The following SETD1A variants were observed in gnomAD, a reference collection of about 807,000 sequenced individuals.
The protein encoded by SETD1A is SET domain containing 1A, histone lysine methyltransferase, also known as histone-lysine N-methyltransferase SETD1A.
SETD1A carries 29 observed loss-of-function variants against 149.9 expected under a neutral mutation model. That is an observed-to-expected ratio of 0.19 (90% confidence interval 0.14 to 0.26). SETD1A has a LOEUF of 0.26. Among genes scored for constraint, SETD1A ranks in the 10% least tolerant of loss-of-function variants. The pLI is 1.00. For synonymous variants in SETD1A, 1,141 were observed against 968.5 expected (o/e 1.18, Z -3.31); for missense variants, 2,109 against 2,353.1 (o/e 0.90, Z 2.15).
At chr16:30,974,442 C>T (rs2056260448) in intron 13 of SETD1A, among the ~76,000 whole-genome samples, 1 of 152,048 alleles carries the variant, frequency 6.6e-6, no homozygotes, top group Admixed American at 6.6e-5. Context: ...GAGCAGTGGG[C>T]AAGCAGGGCC....
intron 10 of SETD1A, among the ~76,000 whole-genome samples, chr16:30,968,483 T>C (rs1468428189): frequency 6.6e-6 from 1 of 150,458 alleles, no homozygotes; most frequent in Non-Finnish European, 1.5e-5. Flanking sequence ...CACACACATA[T>C]ATATATACAC....
At chr16:30,973,642 GAGA>G (rs2056251675) in intron 13 of SETD1A, among the ~76,000 whole-genome samples, 1 of 152,172 alleles carries the variant, frequency 6.6e-6, no homozygotes, top group Non-Finnish European at 1.5e-5. Flanking sequence ...GCAACAGAGT[GAGA>G]CTCCATCTCA....
Position 30,964,320 on chromosome 16 carries a change from G to A in SETD1A, c.866G>A (p.Ser289Asn). 6.2e-7 allele frequency: 1 copy of A among 1,612,874 alleles called. No individual in the cohort carries two copies. Among genetic ancestry groups the A allele is most frequent in the Non-Finnish European group, 8.5e-7 (1 of 1,179,078 alleles). ...TACTCTCAGGACTCTGCCTACTCCAGCAGGTACAGAGCAGACCCCGCCTGG... is the reference window on the plus strand; with the variant it reads ...TACTCTCAGGACTCTGCCTACTCCAACAGGTACAGAGCAGACCCCGCCTGG... Reference protein sequence around the residue: ...TPYSQDSAYSSSTTSTSFKPR... With the variant: ...TPYSQDSAYSNSTTSTSFKPR... The change falls in exon 6 of 19, where the codon AGC becomes AAC. Residue 289 changes from serine (S) to asparagine (N), a missense_variant. Physicochemically the swap from Ser to Asn is conservative, Grantham distance 46. This residue lies in a region of SETD1A where 410 missense variants were observed against 394.8 expected (regional missense o/e 1.04). Coordinates refer to ENST00000262519, the MANE Select transcript of SETD1A (RefSeq NM_014712.3).
rs1474273584 is a variant in SETD1A, at chr16:30,965,825, A to G, written c.1944A>G (p.Pro648=). ...PDGPPPPEYP[P]PPPPPPHIYD... ...GGCCGCCGCCCCCTGAGTACCCCCC[A>G]CCTCCTCCACCACCCCCGCACATCT... Residue 648 remains proline, a synonymous_variant, in exon 8 of 19, where the codon CCA becomes CCG. Coordinates refer to ENST00000262519, the MANE Select transcript of SETD1A (RefSeq NM_014712.3). The G allele has an allele frequency of 5.7e-6, 5 of 871,762 alleles. No homozygotes were observed. In the South Asian group the frequency reaches 7.4e-5, roughly 13 times the overall value. 54.0% of individuals were successfully genotyped at this position (871,762 alleles called of 1,614,324 possible).
chr16:30,966,900 C>G lies in SETD1A; in HGVS notation c.2522C>G (p.Ala841Gly), dbSNP rs1173015423. ...TGCCTGCAGCCATTCCAGAACGCGG[C>G]CAAGCAGCAAGCCAAGGAGGAGGAT... The part of the protein sequence containing the change: ...EEKAKPFQNA[A>G]KQQAKEEDKE... Residue 841 changes from alanine (A) to glycine (G), a missense_variant, in exon 9 of 19, where the codon GCC (alanine) becomes GGC (glycine). Ala to Gly is a moderately conservative substitution (Grantham distance 60). This residue lies in a region of SETD1A where 832 missense variants were observed against 815.6 expected (regional missense o/e 1.02). Coordinates refer to ENST00000262519, the MANE Select transcript of SETD1A (RefSeq NM_014712.3). 1 of 1,561,580 alleles carries G rather than the reference C, an allele frequency of 6.4e-7. No homozygotes were observed. The highest frequency in any genetic ancestry group is 1.9e-5 in the Admixed American group (1 of 51,492).
rs755237547 is a variant in SETD1A at position 30,965,871 on chromosome 16, G to A, written c.1990G>A (p.Glu664Lys). ...CATCTATGACTTTGTGAACTCCTTG[G>A]AGCTCATGGACCGACTTGGGGCTCA... ...PHIYDFVNSLELMDRLGAQWG... is the reference protein window; with the variant it reads ...PHIYDFVNSLKLMDRLGAQWG... The change falls in exon 8 of 19, where the codon GAG (glutamate) becomes AAG (lysine). Residue 664 changes from glutamate (E) to lysine (K), a missense_variant. Physicochemically the swap from Glu to Lys is moderately conservative, Grantham distance 56. Transcript: ENST00000262519. 2 of 1,612,412 alleles carry A rather than the reference G, an allele frequency of 1.2e-6. No homozygotes were observed. The highest frequency in any genetic ancestry group is 1.7e-6 in the Non-Finnish European group (2 of 1,179,436).
chr16:30,980,500 C>G lies in SETD1A; in HGVS notation c.4424C>G (p.Thr1475Ser). ...CACCCTGCACTCACCAACCTGACCA[C>G]CCCAAAACGCAAGCGGCGGCCCCAG... ...WVHHTITNLT[T>S]PKRKRRPQDG... is the part of the protein sequence containing the mutation. The change falls in exon 15 of 19, where the codon ACC (threonine) becomes AGC (serine). Residue 1475 changes from threonine (T) to serine (S), a missense_variant. Coordinates refer to ENST00000262519, the MANE Select transcript of SETD1A (RefSeq NM_014712.3). This position sits in a 1 kb window ranked among gnomAD's most constrained non-coding sequence, Gnocchi z 7.7. 1 of 1,613,694 alleles carries G rather than the reference C, an allele frequency of 6.2e-7. No individual in the cohort carries two copies. The highest frequency in any genetic ancestry group is 8.5e-7 in the Non-Finnish European group (1 of 1,179,740).
chr16:30,968,459 C>G (rs184947479), intron 10 of SETD1A, among the ~76,000 whole-genome samples: 164 of 150,906 alleles, frequency 1.1e-3, no homozygotes, highest in Admixed American at 3.6e-3. Context: ...TGTATATACA[C>G]ACAAATATAT....
At chr16:30,963,017 C>T (rs780245535) in intron 4 of SETD1A, among the ~76,000 whole-genome samples, 46 of 152,152 alleles carry the variant, frequency 3.0e-4, no homozygotes, top group Non-Finnish European at 4.3e-4. Flanking sequence ...CTCCGTTAGT[C>T]CCCCGGTTGC....
In SETD1A at chr16:30,964,504, C is replaced by T. The variant is rs999699138; in HGVS notation, c.870-108C>T. ...CACTAGCTAGGAACCCAACATATAGCTCTTCTTTTGGAGGGCAGCATAGAG... is the reference window on the plus strand; with the variant it reads ...CACTAGCTAGGAACCCAACATATAGTTCTTCTTTTGGAGGGCAGCATAGAG... On this transcript the variant is annotated intron_variant, in intron 6 of 18. Coordinates refer to ENST00000262519, the MANE Select transcript of SETD1A (RefSeq NM_014712.3). 13 of 1,519,606 alleles carry T rather than the reference C, an allele frequency of 8.6e-6. 1 individual carries two copies. Among genetic ancestry groups the T allele is most frequent in the Middle Eastern group, 1.8e-4 (1 of 5,674 alleles). The allele number at this position is 1,519,606 out of a possible 1,614,324, so 94.1% of individuals were successfully genotyped here.
chr16:30,972,812 C>T (rs897970078), intron 13 of SETD1A, among the ~76,000 whole-genome samples: 20 of 151,804 alleles, frequency 1.3e-4, no homozygotes, highest in Non-Finnish European at 2.9e-4. Flanking sequence ...CAAGATCACA[C>T]CACTGCACTC....
At chr16:30,982,708 A>G (rs1264076646) in intron 17 of SETD1A, among the ~76,000 whole-genome samples, 1 of 151,836 alleles carries the variant, frequency 6.6e-6, no homozygotes, top group Non-Finnish European at 1.5e-5. Flanking sequence ...ATGGCTAGTG[A>G]GCTCCATGTC....
At chr16:30,978,455 C>T (rs181454839) in intron 13 of SETD1A, among the ~76,000 whole-genome samples, 117 of 152,072 alleles carry the variant, frequency 7.7e-4, no homozygotes, top group Non-Finnish European at 2.1e-4. Context: ...CCTGAGGGTA[C>T]GCTGGGGAGG....
chr16:30,963,672 C>G, intron 5 of SETD1A, 118 bp downstream of exon 5: 1 of 1,134,194 alleles, frequency 8.8e-7, no homozygotes, highest in Middle Eastern at 3.0e-4. Flanking sequence ...AAGAGCCAAG[C>G]AAAGCTGCTG....
In SETD1A at chr16:30,980,480, T is replaced by G. The variant is rs759950461; in HGVS notation, c.4409-5T>G. 3.1e-6 allele frequency: 5 copies of G among 1,612,034 alleles called. No individual in the cohort carries two copies. Among genetic ancestry groups the G allele is most frequent in the East Asian group, 4.5e-5 (2 of 44,882 alleles). ...GGAGCCGTTCTCTTCCTTAACACCCTGCACTCACCAACCTGACCACCCCAA... is the reference window on the plus strand; with the variant it reads ...GGAGCCGTTCTCTTCCTTAACACCCGGCACTCACCAACCTGACCACCCCAA... On this transcript the variant is annotated splice_region_variant and splice_polypyrimidine_tract_variant and intron_variant, in intron 14 of 18. Coordinates refer to ENST00000262519, the MANE Select transcript of SETD1A (RefSeq NM_014712.3). The surrounding 1 kb of genome is among the most constrained non-coding windows in gnomAD (Gnocchi z 7.7).
intron 17 of SETD1A, among the ~76,000 whole-genome samples, chr16:30,981,915 C>T (rs540019266): frequency 1.3e-5 from 2 of 152,282 alleles, no homozygotes; most frequent in South Asian, 2.1e-4. Context: ...TGCACCACTG[C>T]ACTCCAGCCT....
At position 30,980,883 on chromosome 16, in the gene SETD1A, TG is replaced by T. The variant is rs773742397; in HGVS notation, c.4692+38del. ...GGGCTGCAGGAGGGGCTGGGTGGGGTGGGGTGGGGCAGGAAGGGGCAGAGGC... is the reference window on the plus strand; with the variant it reads ...GGGCTGCAGGAGGGGCTGGGTGGGGTGGGTGGGGCAGGAAGGGGCAGAGGC... On this transcript the variant is annotated intron_variant, in intron 16 of 18. Coordinates refer to ENST00000262519, the MANE Select transcript of SETD1A (RefSeq NM_014712.3). This position sits in a 1 kb window ranked among gnomAD's most constrained non-coding sequence, Gnocchi z 7.7. 4.1e-5 allele frequency: 5 copies of T among 122,148 alleles called. No individual in the cohort carries two copies. Among genetic ancestry groups the T allele is most frequent in the Non-Finnish European group, 8.8e-5 (5 of 56,826 alleles). 7.6% of individuals were successfully genotyped at this position (122,148 alleles called of 1,614,324 possible). A position where few individuals can be genotyped will look rare whatever the true frequency, so the allele number is the denominator to read the frequency against.
intron 8 of SETD1A, 125 bp from the exon 9 acceptor site, chr16:30,966,759 G>A (rs1309424746): frequency 8.9e-7 from 1 of 1,126,408 alleles, no homozygotes; most frequent in African/African-American, 1.6e-5. Flanking sequence ...GCTGGGACAG[G>A]TGTGACCAAG....
intron 4 of SETD1A, among the ~76,000 whole-genome samples, chr16:30,962,635 T>A (rs2056070275): frequency 6.6e-6 from 1 of 152,206 alleles, no homozygotes; most frequent in Non-Finnish European, 1.5e-5. Context: ...TTTAACATTC[T>A]TGAATTTGGT....
Sources: allele counts gnomAD v4.1 joint callset (sites outside exome capture counted in the v4.1 genomes callset), GRCh38; gene constraint gnomAD v4.1.1; regional missense constraint gnomAD v4.1.1; non-coding constraint Gnocchi (gnomAD v3.1); transcripts MANE v1.5; gene names NCBI Gene and HGNC (gene_info 2026-07-23, HGNC 2026-07-21).